PAX3: variants seen among roughly 807,000 people sequenced by gnomAD.
PAX3 encodes paired box 3, also known as paired box protein Pax-3.
Under a neutral mutation model 51.6 loss-of-function variants are expected in PAX3, and 14 were observed. The ratio of observed to expected loss-of-function variants is 0.27; its 90% CI spans 0.18 to 0.42. The LOEUF is 0.42. PAX3 is among the 10% of genes least tolerant of loss of function. The pLI is 1.00. For synonymous variants in PAX3, 280 were observed against 253.4 expected (o/e 1.11, Z -1.00); for missense variants, 540 against 642.8 (o/e 0.84, Z 1.73).
chr2:222,285,968 C>T (rs1694820203), intron 4 of PAX3, among the ~76,000 whole-genome samples: 3 of 152,290 alleles, frequency 2.0e-5, no homozygotes, highest in South Asian at 2.1e-4. Flanking sequence ...AACGGAGTCT[C>T]GCTCTGTCAT....
Position 222,201,261 on chromosome 2 carries a change from A to G in PAX3, c.*147T>C. The G allele has an allele frequency of 6.2e-7, 1 of 1,613,982 alleles. No individual in the cohort carries two copies. Among genetic ancestry groups the G allele is most frequent in the Non-Finnish European group, 8.5e-7 (1 of 1,179,994 alleles). ...ACCAACTATTGGAGGAAGAAAATCA[A>G]TCACTCTCCTTTGTCTCCTATTGGG... On this transcript the variant is annotated 3_prime_UTR_variant, in exon 9 of 9. Coordinates refer to ENST00000392070, the MANE Select transcript of PAX3 (RefSeq NM_181458.4).
chr2:222,261,240 T>C (rs1559293295), intron 4 of PAX3, among the ~76,000 whole-genome samples: 1 of 152,202 alleles, frequency 6.6e-6, no homozygotes, highest in Non-Finnish European at 1.5e-5. Flanking sequence ...GCTAACAGCC[T>C]CCCTCAAAAA....
At chr2:222,227,714 G>A (rs756704386) in intron 5 of PAX3, among the ~76,000 whole-genome samples, 1 of 148,856 alleles carries the variant, frequency 6.7e-6, no homozygotes, top group Non-Finnish European at 1.5e-5. Context: ...GATGAATTAG[G>A]CAAATCATCT....
At chr2:222,203,957 T>C (rs924172257) in intron 7 of PAX3, among the ~76,000 whole-genome samples, 8 of 152,178 alleles carry the variant, frequency 5.3e-5, no homozygotes, top group Non-Finnish European at 8.8e-5. Context: ...TTATTGTCTA[T>C]GCACACACAT....
chr2:222,258,926 G>A (rs919802725), intron 4 of PAX3, among the ~76,000 whole-genome samples: 31 of 149,270 alleles, frequency 2.1e-4, no homozygotes, highest in Admixed American at 1.0e-3. Flanking sequence ...CCAAATCTGC[G>A]GTTGACTGTG....
intron 4 of PAX3, among the ~76,000 whole-genome samples, chr2:222,285,790 T>C (rs202067883): frequency 6.6e-6 from 1 of 152,242 alleles, no homozygotes; most frequent in East Asian, 1.9e-4. Context: ...AAAATCTACA[T>C]TTAAGTTTTG....
chr2:222,200,526 A>G lies in PAX3; in HGVS notation c.*882T>C, dbSNP rs1039395616. 8.7e-6 allele frequency: 2 copies of G among 231,072 alleles called. No individual in the cohort carries two copies. The highest frequency in any genetic ancestry group is 4.4e-5 in the African/African-American group (2 of 45,182). The allele number at this position is 231,072 out of a possible 1,614,324, so 14.3% of individuals were successfully genotyped here. The stretch of plus-strand genomic sequence containing the variant: ...CAAAAATATACTTCTGATTTTGCTT[A>G]TATCGCCTTGGGCATTGCCAAAGCA... On this transcript the variant is annotated 3_prime_UTR_variant, in exon 9 of 9. Transcript: ENST00000392070.
At chr2:222,285,411 C>T (rs1005176953) in intron 4 of PAX3, among the ~76,000 whole-genome samples, 26 of 152,190 alleles carry the variant, frequency 1.7e-4, no homozygotes, top group African/African-American at 4.8e-4. Context: ...AGCCTGTGAA[C>T]TGGGTAAGTT....
chr2:222,238,449 G>A (rs901070922), intron 4 of PAX3, among the ~76,000 whole-genome samples: 5 of 152,128 alleles, frequency 3.3e-5, no homozygotes, highest in African/African-American at 4.8e-5. Context: ...AAAAAATGGA[G>A]AAACAAAATA....
At chr2:222,295,231 T>A (rs1695232082) in intron 3 of PAX3, among the ~76,000 whole-genome samples, 1 of 152,128 alleles carries the variant, frequency 6.6e-6, no homozygotes, top group African/African-American at 2.4e-5. Flanking sequence ...AAAGGGAACA[T>A]CAATATTAAT....
chr2:222,249,067 G>A lies in PAX3; in HGVS notation c.587-16784C>T, dbSNP rs866494818. On this transcript the variant is annotated intron_variant, in intron 4 of 8. Coordinates refer to ENST00000392070, the MANE Select transcript of PAX3 (RefSeq NM_181458.4). The stretch of plus-strand genomic sequence containing the variant: ...ACCAATGGAGAAAAAAACTGTGAAC[G>A]TGTTTAGTAAACTGTAACATTCATG... Among the ~76,000 whole-genome samples the A allele has an allele frequency of 2.8e-4, 42 of 152,226 alleles. 1 individual carries two copies. In the Middle Eastern group the frequency reaches 0.017, roughly 62 times the overall value.
intron 4 of PAX3, among the ~76,000 whole-genome samples, chr2:222,252,856 A>G (rs1335189162): frequency 1.3e-5 from 2 of 152,196 alleles, no homozygotes; most frequent in Non-Finnish European, 2.9e-5. Context: ...ACTCTTTTTA[A>G]CAGGACAGTA....
chr2:222,213,328 C>A (rs1691821480), intron 7 of PAX3, among the ~76,000 whole-genome samples: 1 of 152,146 alleles, frequency 6.6e-6, no homozygotes. Context: ...AGTACCAGGT[C>A]AATTACAGCC....
At chr2:222,267,006 T>A (rs1434528798) in intron 4 of PAX3, among the ~76,000 whole-genome samples, 1 of 152,216 alleles carries the variant, frequency 6.6e-6, no homozygotes, top group African/African-American at 2.4e-5. Context: ...CACCAAAGCA[T>A]AAACAGAACA....
chr2:222,280,140 G>T (rs1694586096), intron 4 of PAX3, among the ~76,000 whole-genome samples: 2 of 151,998 alleles, frequency 1.3e-5, no homozygotes, highest in South Asian at 4.1e-4. Flanking sequence ...GAACGTGGGA[G>T]GTGGAGGTTG....
chr2:222,261,314 T>G (rs1693853043), intron 4 of PAX3, among the ~76,000 whole-genome samples: 1 of 152,156 alleles, frequency 6.6e-6, no homozygotes, highest in Admixed American at 6.5e-5. Flanking sequence ...CTTAATTATA[T>G]TTTAAGCTCA....
intron 7 of PAX3, among the ~76,000 whole-genome samples, chr2:222,213,196 G>A (rs554731272): frequency 1.7e-4 from 26 of 152,264 alleles, no homozygotes; most frequent in African/African-American, 4.8e-4. Context: ...GGGCCAGGTC[G>A]TTGTCTCTTT....
intron 2 of PAX3, among the ~76,000 whole-genome samples, 172 bp downstream of exon 2, chr2:222,296,806 T>C (rs538420428): frequency 1.3e-5 from 2 of 152,362 alleles, no homozygotes; most frequent in South Asian, 4.1e-4. Flanking sequence ...TCAAGAAGTG[T>C]CCAGGGCGCG....
At chr2:222,244,551 A>G (rs970773382) in intron 4 of PAX3, among the ~76,000 whole-genome samples, 5 of 152,098 alleles carry the variant, frequency 3.3e-5, no homozygotes. Flanking sequence ...CAGTCCTACC[A>G]GGCATAAGGG....
Sources: allele counts gnomAD v4.1 joint callset (sites outside exome capture counted in the v4.1 genomes callset), GRCh38; gene constraint gnomAD v4.1.1; transcripts MANE v1.5; gene names NCBI Gene and HGNC (gene_info 2026-07-23, HGNC 2026-07-21).